EYS: variants seen among roughly 807,000 people sequenced by gnomAD.
EYS encodes the protein protein eyes shut homolog.
Under a neutral mutation model 282.1 loss-of-function variants are expected in EYS, and 250 were observed. That is an observed-to-expected ratio of 0.89 (90% CI 0.80 to 0.98). EYS has a LOEUF of 0.98. EYS is among the 50% of genes least tolerant of loss of function. The pLI is 0.00. For synonymous variants in EYS, 1,355 were observed against 1,282.9 expected, an observed-to-expected ratio of 1.06 and a Z score of -1.20; for missense variants, 4,016 against 3,709.0, an observed-to-expected ratio of 1.08 and a Z score of -2.15.
intron 12 of EYS, among the ~76,000 whole-genome samples, chr6:65,160,330 A>G (rs980403155): frequency 6.6e-6 from 1 of 151,040 alleles, no homozygotes; most frequent in Admixed American, 6.6e-5. Flanking sequence ...CCTCTCTAAA[A>G]TAGTGACTGT....
intron 30 of EYS, among the ~76,000 whole-genome samples, chr6:64,293,280 T>C (rs911194923): frequency 6.6e-6 from 1 of 152,128 alleles, no homozygotes; most frequent in African/African-American, 2.4e-5. Context: ...GGTTTCTAGA[T>C]AGTTACCACA....
intron 31 of EYS, among the ~76,000 whole-genome samples, chr6:64,127,664 C>G (rs1773829072): frequency 6.6e-6 from 1 of 151,964 alleles, no homozygotes; most frequent in Non-Finnish European, 1.5e-5. Context: ...GTAAGCTATA[C>G]TTATGGCTCA....
At chr6:65,238,676 C>T (rs1766985327) in intron 12 of EYS, among the ~76,000 whole-genome samples, 1 of 151,978 alleles carries the variant, frequency 6.6e-6, no homozygotes, top group East Asian at 1.9e-4. Flanking sequence ...TTTATGGTTA[C>T]ATTCTTGAAC....
intron 2 of EYS, among the ~76,000 whole-genome samples, chr6:65,519,408 T>A (rs1041102353): frequency 6.6e-6 from 1 of 151,582 alleles, no homozygotes; most frequent in Non-Finnish European, 1.5e-5. Flanking sequence ...TGTATTGATA[T>A]GTAAGAGTTA....
chr6:63,737,120 C>G (rs1191043633), intron 41 of EYS, among the ~76,000 whole-genome samples: 1 of 151,018 alleles, frequency 6.6e-6, no homozygotes, highest in African/African-American at 2.4e-5. Flanking sequence ...ACTTCCAACA[C>G]TATGTTGAAT....
At chr6:63,751,785 A>G (rs61094361) in intron 41 of EYS, among the ~76,000 whole-genome samples, 13,232 of 152,220 alleles carry the variant, frequency 0.087, 618 homozygotes, top group East Asian at 0.16. Flanking sequence ...TATAGAAAAA[A>G]TAAAATCATC....
At chr6:64,796,561 A>G (rs187438909) in intron 22 of EYS, among the ~76,000 whole-genome samples, 11 of 152,250 alleles carry the variant, frequency 7.2e-5, no homozygotes, top group Non-Finnish European at 1.3e-4. Flanking sequence ...AAAATAATGG[A>G]CACCTGCTTC....
Position 65,180,787 on chromosome 6 carries a change from C to T in EYS, c.2023+115076G>A, listed in dbSNP as rs528945498. Among the ~76,000 whole-genome samples the T allele has an allele frequency of 4.7e-3, 711 of 152,160 alleles. 3 individuals carry two copies. Among genetic ancestry groups the T allele is most frequent in the African/African-American group, 0.015 (630 of 41,542 alleles). On this transcript the variant is annotated intron_variant, in intron 12 of 42. Transcript: ENST00000503581. ...CAAAAGAACAAAGCTGGAGGCATCACCCTACCTGACTTCAAACTATACTAC... is the reference window on the plus strand; with the variant it reads ...CAAAAGAACAAAGCTGGAGGCATCATCCTACCTGACTTCAAACTATACTAC...
chr6:64,246,005 C>T (rs1378438991), intron 30 of EYS, among the ~76,000 whole-genome samples: 1 of 96,468 alleles, frequency 1.0e-5, no homozygotes, highest in Non-Finnish European at 1.8e-5. Flanking sequence ...GGCGACAGAG[C>T]GAAACTCCGT....
chr6:64,068,658 AAT>A lies in EYS; in HGVS notation c.6572-2169_6572-2168del, dbSNP rs968045466. Among the ~76,000 whole-genome samples, 620 of 151,416 alleles carry A rather than the reference AAT, an allele frequency of 4.1e-3. 3 individuals carry two copies. The highest frequency in any genetic ancestry group is 0.014 in the African/African-American group (578 of 41,404). ...GTACCCTAGAATTTAAAGTATAATA[AAT>A]ATATATATATAAAAAGAATTATTTG... On this transcript the variant is annotated intron_variant, in intron 32 of 42. Transcript: ENST00000503581.
chr6:64,548,964 T>A (rs934041037), intron 26 of EYS, among the ~76,000 whole-genome samples: 1 of 152,324 alleles, frequency 6.6e-6, no homozygotes, highest in South Asian at 2.1e-4. Flanking sequence ...GAACAGCGTC[T>A]ACAGTGCTCA....
At chr6:64,290,367 C>G (rs890457244) in intron 30 of EYS, among the ~76,000 whole-genome samples, 4 of 151,978 alleles carry the variant, frequency 2.6e-5, no homozygotes, top group African/African-American at 9.7e-5. Flanking sequence ...CAGAATGGAA[C>G]AGTAGTGAGA....
intron 8 of EYS, among the ~76,000 whole-genome samples, chr6:65,377,338 G>A (rs901263582): frequency 1.2e-4 from 18 of 150,840 alleles, no homozygotes; most frequent in African/African-American, 3.9e-4. Flanking sequence ...AATGAAAACA[G>A]ACAACGTACC....
chr6:64,387,259 T>C (rs952889802), intron 29 of EYS, among the ~76,000 whole-genome samples: 1 of 152,134 alleles, frequency 6.6e-6, no homozygotes, highest in Admixed American at 6.6e-5. Context: ...TTCAAATTTC[T>C]AATTACAACT....
chr6:65,122,106 G>T (rs906264713), intron 12 of EYS, among the ~76,000 whole-genome samples: 1 of 152,046 alleles, frequency 6.6e-6, no homozygotes, highest in African/African-American at 2.4e-5. Context: ...AATGGAAGAG[G>T]TCTCATATTG....
chr6:65,703,484 T>C (rs1453649304), intron 1 of EYS, among the ~76,000 whole-genome samples: 1 of 152,014 alleles, frequency 6.6e-6, no homozygotes, highest in Non-Finnish European at 1.5e-5. Flanking sequence ...ACTTATAAAA[T>C]AGATTTTTGC....
At position 65,507,009 on chromosome 6, in the gene EYS, T is replaced by C. The variant is rs191068121; in HGVS notation, c.-332-11016A>G. 2.2e-3 allele frequency among the ~76,000 whole-genome samples: 330 copies of C among 152,278 alleles called. 3 individuals carry two copies. Among genetic ancestry groups the C allele is most frequent in the Admixed American group, 6.1e-3 (93 of 15,280 alleles). ...ATAAGGAAAAGAAGGCATTTTGTTTTATCTTTATTTATTCCTTCTCTGTCT... is the reference window on the plus strand; with the variant it reads ...ATAAGGAAAAGAAGGCATTTTGTTTCATCTTTATTTATTCCTTCTCTGTCT... On this transcript the variant is annotated intron_variant, in intron 2 of 42. Transcript: ENST00000503581.
chr6:64,393,444 G>T lies in EYS; in HGVS notation c.5928-4604C>A, dbSNP rs1773235807. Among the ~76,000 whole-genome samples the T allele has an allele frequency of 2.6e-5, 4 of 152,204 alleles. No homozygotes were observed. The South Asian group carries it at 8.3e-4, about 32-fold the overall frequency. ...AAAGCTTATCCACCATGATCAAGTG[G>T]GCTTGATCCCTGGGATGCAAGGCTG... On this transcript the variant is annotated intron_variant, in intron 28 of 42. Transcript: ENST00000503581.
At chr6:65,079,048 CAATT>C (rs1411138458) in intron 12 of EYS, among the ~76,000 whole-genome samples, 1 of 151,812 alleles carries the variant, frequency 6.6e-6, no homozygotes, top group Non-Finnish European at 1.5e-5. Context: ...AACTGTAAGA[CAATT>C]AATTCTCTTC....
Sources: gnomAD v4.1 joint callset for allele counts (sites outside exome capture counted in the v4.1 genomes callset) on GRCh38, gnomAD v4.1.1 for gene constraint, MANE v1.5 for transcripts, NCBI Gene and HGNC (gene_info 2026-07-23, HGNC 2026-07-21) for gene names.